The following IQSEC3 variants were observed in gnomAD, a reference collection of about 807,000 sequenced individuals.
IQSEC3 encodes the protein IQ motif and Sec7 domain ArfGEF 3, also known as IQ motif and SEC7 domain-containing protein 3.
IQSEC3 carries 50 observed loss-of-function variants against 105.4 expected under a neutral mutation model. The observed-to-expected ratio is 0.47, with a 90% confidence interval of 0.38 to 0.60. The LOEUF is 0.60. IQSEC3 is among the 20% of genes least tolerant of loss of function. The pLI is 0.00. For synonymous variants in IQSEC3, 708 were observed against 746.0 expected, an observed-to-expected ratio of 0.95 and a Z score of 0.83; for missense variants, 1,415 against 1,630.0, an observed-to-expected ratio of 0.87 and a Z score of 2.27.
Position 174,867 on chromosome 12 carries a change from C to A in IQSEC3, c.3383C>A (p.Ser1128Tyr). The change falls in exon 14 of 14, where the codon TCC becomes TAC. Residue 1128 changes from serine to tyrosine, a missense_variant. Around this residue, in one of 6 missense-constraint regions of IQSEC3, gnomAD observed 419 missense variants for 436.2 expected, o/e 0.96. Coordinates refer to ENST00000538872, the MANE Select transcript of IQSEC3 (RefSeq NM_001170738.2). ...TGCTACACCTCGTCGTCCTCTGACT[C>A]CTGCGGCTCCACACCCCTGGGCGGT... is the stretch of plus-strand genomic sequence containing the variant. ...LSCYTSSSSDSCGSTPLGGPG... is the reference protein window; with the variant it reads ...LSCYTSSSSDYCGSTPLGGPG... The A allele has an allele frequency of 1.3e-6, 2 of 1,578,158 alleles. No homozygotes were observed. The highest frequency in any genetic ancestry group is 8.5e-7 in the Non-Finnish European group (1 of 1,170,798).
intron 6 of IQSEC3, 39 bp downstream of exon 6, chr12:157,186 A>C: frequency 6.7e-7 from 1 of 1,492,562 alleles, no homozygotes; most frequent in Non-Finnish European, 8.9e-7. Context: ...AACAGACCCC[A>C]GCGTGGGGAA....
At chr12:140,825 T>G (rs782522081) in intron 4 of IQSEC3, 9 of 346,884 alleles carry the variant, frequency 2.6e-5, no homozygotes, top group Non-Finnish European at 3.6e-5. Context: ...CAACAGGATA[T>G]GGGTAGGGGG....
In IQSEC3 at chr12:141,305, G is replaced by C; in HGVS notation, c.2153+20G>C. 1 of 1,602,592 alleles carries C rather than the reference G, an allele frequency of 6.2e-7. No individual in the cohort carries two copies. The highest frequency in any genetic ancestry group is 1.7e-4 in the Middle Eastern group (1 of 5,824). ...GCTGGAGTGAGTACCCCACACTCCG[G>C]GCTTTCCCCACTCCTTCCCACACCC... On this transcript the variant is annotated intron_variant, in intron 5 of 13. Coordinates refer to ENST00000538872, the MANE Select transcript of IQSEC3 (RefSeq NM_001170738.2).
intron 2 of IQSEC3, among the ~76,000 whole-genome samples, chr12:99,416 T>G (rs560218310): frequency 7.2e-5 from 11 of 152,156 alleles, no homozygotes; most frequent in Non-Finnish European, 1.6e-4. Flanking sequence ...ACTTTTAAGG[T>G]GATTATGCCC....
At chr12:91,577 C>T (rs1454338512) in intron 1 of IQSEC3, among the ~76,000 whole-genome samples, 2 of 152,166 alleles carry the variant, frequency 1.3e-5, no homozygotes, top group Non-Finnish European at 2.9e-5. Flanking sequence ...GAGTTCGAGA[C>T]CAGCCTGGGC....
At chr12:159,342 G>C (rs1555095513) in intron 7 of IQSEC3, among the ~76,000 whole-genome samples, 3 of 152,334 alleles carry the variant, frequency 2.0e-5, no homozygotes, top group Admixed American at 6.5e-5. Flanking sequence ...CCAGGGCACA[G>C]CCTGCATCCT....
chr12:122,235 T>C (rs1439929037), intron 2 of IQSEC3, among the ~76,000 whole-genome samples: 1 of 152,140 alleles, frequency 6.6e-6, no homozygotes, highest in Non-Finnish European at 1.5e-5. Context: ...CAGTGGGCCT[T>C]GATAGGCCGG....
chr12:112,956 G>T (rs1864940578), intron 2 of IQSEC3, among the ~76,000 whole-genome samples: 1 of 151,992 alleles, frequency 6.6e-6, no homozygotes, highest in African/African-American at 2.4e-5. Flanking sequence ...AAACAAGGCA[G>T]TTTCAAAAAG....
intron 5 of IQSEC3, among the ~76,000 whole-genome samples, chr12:153,246 C>T (rs1039718148): frequency 3.3e-5 from 5 of 152,084 alleles, no homozygotes; most frequent in Admixed American, 6.5e-5. Context: ...ACAGTCCCAC[C>T]CCCAGCCACC....
At chr12:123,627 T>C (rs1555082397) in intron 2 of IQSEC3, among the ~76,000 whole-genome samples, 1 of 152,036 alleles carries the variant, frequency 6.6e-6, no homozygotes, top group East Asian at 1.9e-4. Context: ...GGAGGGCAGA[T>C]GGAGATTGAG....
intron 1 of IQSEC3, among the ~76,000 whole-genome samples, chr12:79,662 C>G (rs1325085853): frequency 6.6e-6 from 1 of 152,090 alleles, no homozygotes; most frequent in Non-Finnish European, 1.5e-5. Context: ...GAACTCCTGG[C>G]CTCAAGCAAT....
intron 5 of IQSEC3, among the ~76,000 whole-genome samples, chr12:151,241 T>C (rs1291843112): frequency 7.3e-6 from 1 of 137,266 alleles, no homozygotes; most frequent in African/African-American, 2.7e-5. Flanking sequence ...AGACTTCGTG[T>C]GCCCCAAGAT....
chr12:73,032 C>A (rs1297224565), intron 1 of IQSEC3, among the ~76,000 whole-genome samples: 2 of 133,532 alleles, frequency 1.5e-5, no homozygotes, highest in African/African-American at 5.8e-5. Flanking sequence ...GGTGACAGAG[C>A]GACACTCTGC....
intron 3 of IQSEC3, among the ~76,000 whole-genome samples, chr12:136,060 C>T (rs1023856926): frequency 6.6e-6 from 1 of 152,226 alleles, no homozygotes; most frequent in South Asian, 2.1e-4. Context: ...ACCTTGAAGA[C>T]CCCTCCAATA....
intron 1 of IQSEC3, among the ~76,000 whole-genome samples, chr12:98,410 C>T (rs568399677): frequency 3.9e-5 from 6 of 152,302 alleles, no homozygotes; most frequent in Admixed American, 2.6e-4. Flanking sequence ...AGGGTCTAGG[C>T]ATGAGTCGTT....
At chr12:129,340 T>A (rs957466200) in intron 3 of IQSEC3, among the ~76,000 whole-genome samples, 3 of 152,160 alleles carry the variant, frequency 2.0e-5, no homozygotes, top group Non-Finnish European at 4.4e-5. Context: ...CTTGGGCACC[T>A]AGGAACTGCT....
chr12:131,292 G>A (rs987991072), intron 3 of IQSEC3, among the ~76,000 whole-genome samples: 7 of 152,212 alleles, frequency 4.6e-5, no homozygotes, highest in Non-Finnish European at 2.9e-5. Flanking sequence ...GGTTCCTGGG[G>A]TTTAGAGGGA....
Position 117,608 on chromosome 12 carries a change from G to GT in IQSEC3, c.624-8024dup, listed in dbSNP as rs1223186359. ...GAGTGGCCGGGGTATTCTGGCCTAG[G>GT]TGAGGGGAGGGCTGAGCCCAGAGAA... is the stretch of plus-strand genomic sequence containing the variant. On this transcript the variant is annotated intron_variant, in intron 2 of 13. Coordinates refer to ENST00000538872, the MANE Select transcript of IQSEC3 (RefSeq NM_001170738.2). Among the ~76,000 whole-genome samples, 3 of 152,322 alleles carry GT rather than the reference G, an allele frequency of 2.0e-5. No individual in the cohort carries two copies. In the East Asian group the frequency reaches 5.8e-4, roughly 29 times the overall value.
At chr12:136,933 AG>A in intron 3 of IQSEC3, among the ~76,000 whole-genome samples, 1 of 152,226 alleles carries the variant, frequency 6.6e-6, no homozygotes, top group East Asian at 1.9e-4. Flanking sequence ...ACCTGAGAGG[AG>A]AAAACCCACG....
Sources: allele counts gnomAD v4.1 joint callset (sites outside exome capture counted in the v4.1 genomes callset), GRCh38; gene constraint gnomAD v4.1.1; regional missense constraint gnomAD v4.1.1; transcripts MANE v1.5; gene names NCBI Gene and HGNC (gene_info 2026-07-23, HGNC 2026-07-21).